PHF21A: variants seen among roughly 807,000 people sequenced by gnomAD.
PHF21A encodes PHD finger protein 21A.
A neutral mutation model predicts 82.5 loss-of-function variants in PHF21A; 11 were observed. The observed-to-expected ratio is 0.13, with a 90% CI of 0.08 to 0.22. The LOEUF is 0.22. Among genes scored for constraint, PHF21A ranks in the 10% least tolerant of loss-of-function variants. PHF21A has a pLI of 1.00. For missense variants in PHF21A, 579 were observed against 837.8 expected, an observed-to-expected ratio of 0.69 and a Z score of 3.81; for synonymous variants, 297 against 302.8, an observed-to-expected ratio of 0.98 and a Z score of 0.20.
chr11:45,956,033 CA>C (rs1019839671), intron 10 of PHF21A, among the ~76,000 whole-genome samples: 2 of 152,048 alleles, frequency 1.3e-5, no homozygotes, highest in Non-Finnish European at 2.9e-5. Context: ...AAGTGCTGAG[CA>C]AAAAAACCCC....
intron 6 of PHF21A, among the ~76,000 whole-genome samples, chr11:46,071,214 T>A (rs996684049): frequency 5.9e-5 from 9 of 152,222 alleles, no homozygotes; most frequent in Non-Finnish European, 1.2e-4. Flanking sequence ...ATTTTAGTAG[T>A]TTGGCCTGCT....
chr11:46,041,129 C>T (rs2096130959), intron 6 of PHF21A, among the ~76,000 whole-genome samples: 1 of 152,078 alleles, frequency 6.6e-6, no homozygotes, highest in Non-Finnish European at 1.5e-5. Context: ...GTATAAAAAT[C>T]CACCTTCTTA....
intron 6 of PHF21A, among the ~76,000 whole-genome samples, chr11:46,036,668 C>T (rs1013687850): frequency 1.3e-5 from 2 of 152,066 alleles, no homozygotes; most frequent in African/African-American, 4.8e-5. Context: ...TTTTCTGACT[C>T]GACCATTTTT....
At chr11:46,077,052 C>T (rs1430936464) in intron 5 of PHF21A, among the ~76,000 whole-genome samples, 1 of 152,194 alleles carries the variant, frequency 6.6e-6, no homozygotes, top group Non-Finnish European at 1.5e-5. Flanking sequence ...TTTTAAATTA[C>T]ATGAAGTTTT....
Position 45,979,649 on chromosome 11 carries a change from T to C in PHF21A, c.360+111A>G. ...GTAAAAAAGCAATCAAAATAACTTTTGTTTAGTTCTAGCTGAGCTTAGTAT... is the reference window on the plus strand; with the variant it reads ...GTAAAAAAGCAATCAAAATAACTTTCGTTTAGTTCTAGCTGAGCTTAGTAT... On this transcript the variant is annotated intron_variant, in intron 7 of 18. Coordinates refer to ENST00000676320, the MANE Select transcript of PHF21A (RefSeq NM_001352027.3). The C allele has an allele frequency of 4.1e-6, 6 of 1,468,868 alleles. No homozygotes were observed. The South Asian group carries it at 7.2e-5, about 18-fold the overall frequency. The allele number at this position is 1,468,868 out of a possible 1,614,324, so 91.0% of individuals were successfully genotyped here.
At chr11:46,117,386 C>A (rs1332728118) in intron 1 of PHF21A, 1 of 152,204 alleles carries the variant, frequency 6.6e-6, no homozygotes. Context: ...TAGCTATATT[C>A]ATCTTTATGC....
rs376748069 is a variant in PHF21A at position 45,985,979 on chromosome 11, T to C, written c.154-6013A>G. Among the ~76,000 whole-genome samples the C allele has an allele frequency of 1.0e-3, 159 of 152,198 alleles. 1 individual carries two copies. The highest frequency in any genetic ancestry group is 2.1e-3 in the Non-Finnish European group (142 of 68,006). ...TCAGTAAAGTTTAAAATTCTCTGCA[T>C]GGATGTTTAACAGATGGCAAAGAAT... On this transcript the variant is annotated intron_variant, in intron 6 of 18. Transcript: ENST00000676320.
At chr11:46,083,842 C>T (rs1234589579) in intron 4 of PHF21A, among the ~76,000 whole-genome samples, 1 of 152,142 alleles carries the variant, frequency 6.6e-6, no homozygotes, top group Non-Finnish European at 1.5e-5. Context: ...TTATTTAAAA[C>T]ATGCAAGTTA....
chr11:46,004,459 G>A (rs534963045), intron 6 of PHF21A, among the ~76,000 whole-genome samples: 12 of 152,278 alleles, frequency 7.9e-5, no homozygotes, highest in Admixed American at 2.0e-4. Context: ...GGGTAGAGGA[G>A]AGAAGGAAGT....
intron 6 of PHF21A, among the ~76,000 whole-genome samples, chr11:46,034,104 C>T (rs896237151): frequency 2.0e-5 from 3 of 152,086 alleles, no homozygotes; most frequent in Admixed American, 1.3e-4. Context: ...TCATTTTCCT[C>T]ATTACTAATA....
At chr11:46,012,584 T>C (rs991641441) in intron 6 of PHF21A, among the ~76,000 whole-genome samples, 1 of 152,208 alleles carries the variant, frequency 6.6e-6, no homozygotes, top group Admixed American at 6.5e-5. Flanking sequence ...TAAAAGTAGC[T>C]ACCTCAAAGG....
intron 3 of PHF21A, among the ~76,000 whole-genome samples, chr11:46,088,408 T>C (rs186400568): frequency 1.5e-4 from 22 of 150,838 alleles, no homozygotes; most frequent in Admixed American, 5.3e-4. Flanking sequence ...AACTTTCCAA[T>C]AACAACAACA....
At chr11:45,986,411 C>T (rs1465678414) in intron 6 of PHF21A, among the ~76,000 whole-genome samples, 1 of 152,018 alleles carries the variant, frequency 6.6e-6, no homozygotes, top group Non-Finnish European at 1.5e-5. Flanking sequence ...TTGTGTCAAA[C>T]AAGAAAGAGT....
intron 15 of PHF21A, among the ~76,000 whole-genome samples, chr11:45,940,659 A>ATGATTT (rs33930558): frequency 6.6e-6 from 1 of 151,962 alleles, no homozygotes; most frequent in Admixed American, 6.5e-5. Context: ...CTTCATTATT[A>ATGATTT]AAATCAGGCT....
chr11:45,959,551 T>C (rs2092946510), intron 10 of PHF21A, among the ~76,000 whole-genome samples: 1 of 152,116 alleles, frequency 6.6e-6, no homozygotes. Context: ...GCCAGAGCAA[T>C]TAGGCAAGAA....
chr11:46,022,844 G>A (rs1054323176), intron 6 of PHF21A, among the ~76,000 whole-genome samples: 1 of 152,092 alleles, frequency 6.6e-6, no homozygotes, highest in Non-Finnish European at 1.5e-5. Context: ...GTGCAGTGGT[G>A]AGATCTTGGC....
intron 1 of PHF21A, among the ~76,000 whole-genome samples, chr11:46,099,457 A>G (rs2097056823): frequency 6.6e-6 from 1 of 151,578 alleles, no homozygotes; most frequent in African/African-American, 2.4e-5. Context: ...TCACTTCTCA[A>G]TATAGCACTG....
chr11:46,099,632 C>T (rs1393420005), intron 1 of PHF21A, among the ~76,000 whole-genome samples: 1 of 151,822 alleles, frequency 6.6e-6, no homozygotes, highest in Non-Finnish European at 1.5e-5. Flanking sequence ...AAATGCAAGG[C>T]TTTGCTGCAG....
chr11:46,068,933 G>A (rs868207504), intron 6 of PHF21A, among the ~76,000 whole-genome samples: 2 of 152,072 alleles, frequency 1.3e-5, no homozygotes, highest in Non-Finnish European at 2.9e-5. Context: ...AATGTGGCAC[G>A]TTATTAAAGT....
Sources: allele counts gnomAD v4.1 joint callset (sites outside exome capture counted in the v4.1 genomes callset), GRCh38; gene constraint gnomAD v4.1.1; transcripts MANE v1.5; gene names NCBI Gene and HGNC (gene_info 2026-07-23, HGNC 2026-07-21).